Variants in AKNAD1 observed in about 807,000 individuals in gnomAD.
The protein encoded by AKNAD1 is protein AKNAD1.
Under a neutral mutation model 90.8 loss-of-function variants are expected in AKNAD1, and 67 were observed. That is an observed-to-expected ratio of 0.74 (90% CI 0.61 to 0.90). The LOEUF is 0.90. Among genes scored for constraint, AKNAD1 ranks in the 40% least tolerant of loss-of-function variants. The pLI is 0.00. For missense variants in AKNAD1, 957 were observed against 975.4 expected, an observed-to-expected ratio of 0.98 and a Z score of 0.25; for synonymous variants, 327 against 341.4, an observed-to-expected ratio of 0.96 and a Z score of 0.46.
chr1:108,821,216 C>G (rs548211089), intron 13 of AKNAD1, among the ~76,000 whole-genome samples: 1 of 152,210 alleles, frequency 6.6e-6, no homozygotes, highest in East Asian at 1.9e-4. Context: ...TTTGGGAGGC[C>G]GAGGTGGGCA....
Position 108,816,061 on chromosome 1 carries a change from C to T in AKNAD1, c.*110G>A. ...CCATTTCTTATGGTTTCTGTGTTTT[C>T]TCTAGAAAGTCATCTTCCTAAATTG... On this transcript the variant is annotated 3_prime_UTR_variant, in exon 16 of 16. Coordinates refer to ENST00000370001, the MANE Select transcript of AKNAD1 (RefSeq NM_152763.5). The T allele has an allele frequency of 2.5e-6, 3 of 1,188,258 alleles. No homozygotes were observed. Among genetic ancestry groups the T allele is most frequent in the African/African-American group, 3.1e-5 (2 of 64,084 alleles). The allele number at this position is 1,188,258 out of a possible 1,614,324, so 73.6% of individuals were successfully genotyped here.
At chr1:108,847,961 T>G (rs1664746652) in intron 5 of AKNAD1, among the ~76,000 whole-genome samples, 1 of 152,216 alleles carries the variant, frequency 6.6e-6, no homozygotes, top group Admixed American at 6.5e-5. Flanking sequence ...AAGTGCCTGA[T>G]AAATGTTTGT....
chr1:108,827,525 A>C (rs554573898), intron 10 of AKNAD1, among the ~76,000 whole-genome samples: 5 of 151,760 alleles, frequency 3.3e-5, no homozygotes. Flanking sequence ...GAAAATGTAT[A>C]CAAGACAGGC....
At chr1:108,818,199 G>A (rs774388852) in intron 14 of AKNAD1, among the ~76,000 whole-genome samples, 21 of 152,224 alleles carry the variant, frequency 1.4e-4, no homozygotes, top group Non-Finnish European at 2.6e-4. Context: ...AGCAGTCATA[G>A]AGCCACCCTC....
In AKNAD1 at chr1:108,827,360, A is replaced by G. The variant is rs538622615; in HGVS notation, c.1839-58T>C. ...TTAGTGCATTTCCAATAGATAGGGA[A>G]AGTTTTGGTAAAGTTGAAACGTTAA... On this transcript the variant is annotated intron_variant, in intron 10 of 15. Coordinates refer to ENST00000370001, the MANE Select transcript of AKNAD1 (RefSeq NM_152763.5). The G allele has an allele frequency of 1.3e-3, 1,728 of 1,305,414 alleles. 15 individuals are homozygous for G. The highest frequency in any genetic ancestry group is 1.7e-3 in the Non-Finnish European group (1,551 of 905,230). The allele number at this position is 1,305,414 out of a possible 1,614,324, so 80.9% of individuals were successfully genotyped here.
intron 1 of AKNAD1, among the ~76,000 whole-genome samples, chr1:108,855,502 T>C (rs1665006166): frequency 7.2e-6 from 1 of 138,368 alleles, no homozygotes; most frequent in South Asian, 2.4e-4. Context: ...AAAAAAAAAA[T>C]CAGGCTGGAT....
At chr1:108,837,424 C>T in intron 7 of AKNAD1, 126 bp downstream of exon 7, 1 of 928,464 alleles carries the variant, frequency 1.1e-6, no homozygotes, top group Non-Finnish European at 1.6e-6. Flanking sequence ...ATTCATGGGA[C>T]TTTGGAAAGT....
At chr1:108,852,892 A>AT in intron 1 of AKNAD1, 125 bp from the exon 2 acceptor site, 2 of 373,040 alleles carry the variant, frequency 5.4e-6, no homozygotes, top group Non-Finnish European at 4.7e-6. Context: ...CAGGAAGCTC[A>AT]ACCACAAGCT....
chr1:108,842,548 C>T (rs1351871711), intron 6 of AKNAD1, among the ~76,000 whole-genome samples: 6 of 152,166 alleles, frequency 3.9e-5, no homozygotes, highest in South Asian at 2.1e-4. Context: ...TAAGCTTTCA[C>T]GCTTTTCCTT....
chr1:108,817,044 T>G lies in AKNAD1; in HGVS notation c.2379+4A>C, dbSNP rs766682459. On this transcript the variant is annotated splice_donor_region_variant and intron_variant, in intron 15 of 15. Transcript: ENST00000370001. ...GCTTCTCGAATGATTTTCTAAGTCC[T>G]CACCTCAGATTTTATTTCTTCAGTG... 2 of 1,613,904 alleles carry G rather than the reference T, an allele frequency of 1.2e-6. No individual in the cohort carries two copies. The highest frequency in any genetic ancestry group is 1.7e-6 in the Non-Finnish European group (2 of 1,179,898).
chr1:108,831,252 A>G (rs1664186059), intron 9 of AKNAD1, among the ~76,000 whole-genome samples: 1 of 152,192 alleles, frequency 6.6e-6, no homozygotes, highest in Non-Finnish European at 1.5e-5. Flanking sequence ...ATTTTTGACT[A>G]AGGTCTTACC....
At chr1:108,836,489 T>TG (rs1253618043) in intron 7 of AKNAD1, among the ~76,000 whole-genome samples, 1 of 111,504 alleles carries the variant, frequency 9.0e-6, no homozygotes, top group Non-Finnish European at 1.9e-5. Context: ...TTGGGGGGCT[T>TG]GGGGGTGAGG....
intron 13 of AKNAD1, among the ~76,000 whole-genome samples, chr1:108,822,278 T>G (rs1265501916): frequency 6.6e-6 from 1 of 152,194 alleles, no homozygotes; most frequent in Non-Finnish European, 1.5e-5. Context: ...CTGCTCTAGT[T>G]GCTGTAAGGG....
In AKNAD1 at chr1:108,827,223, G is replaced by A. The variant is rs1664026889; in HGVS notation, c.1918C>T (p.His640Tyr). The change falls in exon 11 of 16, where the codon CAC (histidine) becomes TAC (tyrosine). Residue 640 changes from histidine (H) to tyrosine (Y), a missense_variant. Coordinates refer to ENST00000370001, the MANE Select transcript of AKNAD1 (RefSeq NM_152763.5). ...FSIVLHEKAP[H>Y]SDSTPNSDTG... ...AACTTACTGGGAGTTGAATCTGAGT[G>A]TGGTGCCTTTTCATGAAGGACAATT... The A allele has an allele frequency of 6.2e-7, 1 of 1,611,084 alleles. No homozygotes were observed. The highest frequency in any genetic ancestry group is 1.7e-4 in the Middle Eastern group (1 of 5,926).
At chr1:108,833,876 CA>C (rs1400497287) in intron 9 of AKNAD1, among the ~76,000 whole-genome samples, 2 of 152,032 alleles carry the variant, frequency 1.3e-5, no homozygotes, top group Non-Finnish European at 2.9e-5. Flanking sequence ...TTACCCTGAA[CA>C]AATATCACCT....
At chr1:108,857,757 G>T (rs867659867), upstream of AKNAD1, among the ~76,000 whole-genome samples, 1 of 152,108 alleles carries the variant, frequency 6.6e-6, no homozygotes, top group Non-Finnish European at 1.5e-5. Flanking sequence ...CTCCACTAAG[G>T]TACCAGTTAG....
intron 9 of AKNAD1, among the ~76,000 whole-genome samples, chr1:108,833,574 C>A (rs1664277877): frequency 6.6e-6 from 1 of 150,426 alleles, no homozygotes; most frequent in Non-Finnish European, 1.5e-5. Context: ...CAAAGCGAGA[C>A]TGTCTCAAAA....
chr1:108,856,716 TCTCA>T (rs141326772), intron 1 of AKNAD1, among the ~76,000 whole-genome samples: 3,980 of 135,662 alleles, frequency 0.029, 187 homozygotes, highest in African/African-American at 0.091. Context: ...TCTCTCTCTC[TCTCA>T]CACACACATA....
intron 7 of AKNAD1, chr1:108,837,208 G>A: frequency 5.5e-6 from 1 of 180,606 alleles, no homozygotes; most frequent in South Asian, 1.3e-4. Flanking sequence ...ACTCCAGCCT[G>A]GTGAGTACAA....
Sources: allele counts gnomAD v4.1 joint callset (sites outside exome capture counted in the v4.1 genomes callset), GRCh38; gene constraint gnomAD v4.1.1; transcripts MANE v1.5; gene names NCBI Gene and HGNC (gene_info 2026-07-23, HGNC 2026-07-21).